Variants in CFAP47 observed in about 807,000 individuals in gnomAD.
CFAP47 encodes the protein cilia- and flagella-associated protein 47.
In CFAP47, 29 loss-of-function variants were observed where a neutral mutation model predicts 148.1. The observed-to-expected ratio is 0.20, with a 90% CI of 0.15 to 0.27. The LOEUF is 0.27. Among genes scored for constraint, CFAP47 ranks in the 10% least tolerant of loss-of-function variants. The probability of loss-of-function intolerance (pLI) is 1.00; values close to 1 mark genes in which losing one functional copy is unlikely to be tolerated. For synonymous variants in CFAP47, 664 were observed against 577.3 expected, an observed-to-expected ratio of 1.15 and a Z score of -2.15; for missense variants, 1,872 against 1,697.5, an observed-to-expected ratio of 1.10 and a Z score of -1.81.
intron 37 of CFAP47, among the ~76,000 whole-genome samples, chrX:36,157,997 C>T (rs757288739): frequency 9.0e-6 from 1 of 111,625 alleles, no homozygotes; most frequent in African/African-American, 3.3e-5. Flanking sequence ...ATTAAAATCA[C>T]CCCCACTCCT....
At chrX:36,128,716 T>C (rs1245501083) in intron 33 of CFAP47, among the ~76,000 whole-genome samples, 4 of 110,334 alleles carry the variant, frequency 3.6e-5, no homozygotes, top group Non-Finnish European at 3.8e-5. Context: ...CCTTAGTTTT[T>C]CTAGGAATTT....
At chrX:36,284,464 C>CAA (rs1432182341) in intron 50 of CFAP47, among the ~76,000 whole-genome samples, 1 of 111,223 alleles carries the variant, frequency 9.0e-6, no homozygotes, top group Admixed American at 9.6e-5. Context: ...AAACAGGATG[C>CAA]AAAATAGTAC....
intron 22 of CFAP47, among the ~76,000 whole-genome samples, chrX:36,024,761 A>G (rs989467066): frequency 2.7e-5 from 3 of 111,394 alleles, no homozygotes; most frequent in African/African-American, 9.8e-5. Flanking sequence ...TATTTGGAAC[A>G]GGTGATGTCA....
intron 2 of CFAP47, among the ~76,000 whole-genome samples, chrX:35,932,260 C>CT (rs1268970697): frequency 4.4e-4 from 44 of 101,078 alleles, no homozygotes; most frequent in African/African-American, 1.5e-3. Context: ...TTCTTTCTTT[C>CT]TTTCTTTTTT....
At chrX:36,131,577 TAGC>T (rs755869431) in intron 33 of CFAP47, among the ~76,000 whole-genome samples, 14 of 111,632 alleles carry the variant, frequency 1.3e-4, no homozygotes, top group Admixed American at 3.8e-4. Context: ...TAAATGCTCA[TAGC>T]AGCATTATTC....
intron 48 of CFAP47, among the ~76,000 whole-genome samples, chrX:36,249,796 A>G (rs1428718167): frequency 9.0e-6 from 1 of 111,056 alleles, no homozygotes; most frequent in African/African-American, 3.3e-5. Flanking sequence ...ACAACATTTA[A>G]AAATGATTAT....
intron 57 of CFAP47, among the ~76,000 whole-genome samples, chrX:36,342,247 C>T (rs781809959): frequency 9.0e-6 from 1 of 111,086 alleles, no homozygotes; most frequent in Non-Finnish European, 1.9e-5. Flanking sequence ...GAGGTTGGCA[C>T]TCAAATAAGA....
chrX:36,158,034 A>G (rs918144313), intron 37 of CFAP47, among the ~76,000 whole-genome samples: 1 of 111,583 alleles, frequency 9.0e-6, no homozygotes, highest in East Asian at 2.8e-4. Context: ...AATTTTCCCT[A>G]CAAAACTATT....
intron 29 of CFAP47, among the ~76,000 whole-genome samples, chrX:36,080,261 C>A (rs1937949937): frequency 9.0e-6 from 1 of 111,329 alleles, no homozygotes; most frequent in Non-Finnish European, 1.9e-5. Flanking sequence ...GAATGGCGAT[C>A]ATTAAAAAGT....
At chrX:36,089,885 A>C (rs1427093261) in intron 30 of CFAP47, among the ~76,000 whole-genome samples, 2 of 112,017 alleles carry the variant, frequency 1.8e-5, no homozygotes, top group Non-Finnish European at 3.8e-5. Flanking sequence ...CATATAGTAG[A>C]TTGTTATTGT....
chrX:36,141,392 G>A (rs5973590), intron 35 of CFAP47, among the ~76,000 whole-genome samples: 11,746 of 111,151 alleles, frequency 0.11, 1,221 homozygotes, highest in African/African-American at 0.32. Flanking sequence ...GTCTCACTCT[G>A]GAAGGGAGAG....
intron 35 of CFAP47, chrX:36,144,803 C>A: frequency 9.8e-7 from 1 of 1,024,725 alleles, no homozygotes; most frequent in South Asian, 1.8e-5. Context: ...TGCCCTTGGA[C>A]ATCTGATTCC....
At chrX:36,326,330 CAA>C (rs782400254) in intron 57 of CFAP47, among the ~76,000 whole-genome samples, 5 of 110,588 alleles carry the variant, frequency 4.5e-5, no homozygotes, top group African/African-American at 1.6e-4. Context: ...CACACACACA[CAA>C]ACGTGCTAGG....
chrX:35,943,158 G>A (rs2336392), intron 3 of CFAP47, among the ~76,000 whole-genome samples: 20,817 of 110,800 alleles, frequency 0.19, 1,593 homozygotes, highest in African/African-American at 0.28. Flanking sequence ...AAATATATAC[G>A]TGTTCATGAT....
chrX:35,991,758 A>G (rs1219938392), intron 16 of CFAP47, 63 bp from the exon 17 acceptor site: 12 of 287,552 alleles, frequency 4.2e-5, no homozygotes, highest in Non-Finnish European at 7.3e-5. Flanking sequence ...CAAAACAATT[A>G]AACAAAGTAT....
chrX:36,364,638 G>T (rs191241310), intron 61 of CFAP47, among the ~76,000 whole-genome samples: 1,833 of 108,523 alleles, frequency 0.017, 41 homozygotes, highest in African/African-American at 0.057. Context: ...GACAGGAAGT[G>T]TTTAGCACAA....
At chrX:36,210,569 G>A (rs931742672) in intron 45 of CFAP47, among the ~76,000 whole-genome samples, 1 of 112,161 alleles carries the variant, frequency 8.9e-6, no homozygotes, top group Non-Finnish European at 1.9e-5. Context: ...TTATCATTGA[G>A]TTGCAAGTGT....
intron 29 of CFAP47, among the ~76,000 whole-genome samples, chrX:36,081,747 A>G (rs961063369): frequency 9.0e-6 from 1 of 111,684 alleles, no homozygotes; most frequent in Admixed American, 9.6e-5. Context: ...AAACTGTGTG[A>G]TCATCTCAAT....
chrX:36,029,289 G>T (rs1345895730), intron 22 of CFAP47, among the ~76,000 whole-genome samples: 1 of 110,473 alleles, frequency 9.1e-6, no homozygotes, highest in Non-Finnish European at 1.9e-5. Context: ...TGTTAGTCTG[G>T]CTGGTATAAT....
Sources: allele counts gnomAD v4.1 joint callset (sites outside exome capture counted in the v4.1 genomes callset), GRCh38; gene constraint gnomAD v4.1.1; transcripts MANE v1.5; gene names NCBI Gene and HGNC (gene_info 2026-07-23, HGNC 2026-07-21).